CACNA1E: variants seen among roughly 807,000 people sequenced by gnomAD.
The protein encoded by CACNA1E is voltage-dependent R-type calcium channel subunit alpha-1E.
In CACNA1E, 40 loss-of-function variants were observed where a neutral mutation model predicts 259.2. The observed-to-expected ratio is 0.15, with a 90% confidence interval of 0.12 to 0.20. The LOEUF (loss-of-function observed/expected upper bound fraction) is 0.20, where lower values mean the gene tolerates loss of function less well. Ranked by LOEUF, CACNA1E falls within the 10% of genes least tolerant of loss-of-function variation. The probability of loss-of-function intolerance (pLI) is 1.00; values close to 1 mark genes in which losing one functional copy is unlikely to be tolerated. For synonymous variants in CACNA1E, 1,104 were observed against 1,138.5 expected (o/e 0.97, Z 0.61); for missense variants, 1,874 against 3,040.1 (o/e 0.62, Z 9.02).
At chr1:181,599,871 C>A (rs368610397) in intron 6 of CACNA1E, among the ~76,000 whole-genome samples, 1 of 151,976 alleles carries the variant, frequency 6.6e-6, no homozygotes. Flanking sequence ...TGTTGAGCAC[C>A]GATTATAGCT....
rs544987210 is a variant in CACNA1E, at chr1:181,763,385, T to C, written c.4690-21T>C. ...AATCACCATAATGTTCCTAATTATA[T>C]GTTTCCTTTTGGTCCACCAGCTGGT... On this transcript the variant is annotated intron_variant, in intron 33 of 47. Coordinates refer to ENST00000367573, the MANE Select transcript of CACNA1E (RefSeq NM_001205293.3). 35 of 1,555,576 alleles carry C rather than the reference T, an allele frequency of 2.2e-5. No homozygotes were observed. In the South Asian group the frequency reaches 4.0e-4, roughly 18 times the overall value.
chr1:181,660,702 G>A (rs1185635000), intron 7 of CACNA1E, among the ~76,000 whole-genome samples: 2 of 152,182 alleles, frequency 1.3e-5, no homozygotes, highest in Admixed American at 6.5e-5. Context: ...AATTATTCAT[G>A]CCCAGCTCAG....
At chr1:181,672,587 A>G (rs948684192) in intron 7 of CACNA1E, among the ~76,000 whole-genome samples, 3 of 152,240 alleles carry the variant, frequency 2.0e-5, no homozygotes, top group Non-Finnish European at 2.9e-5. Context: ...CCTCGAGGCC[A>G]AGGCCAAGTT....
At chr1:181,523,952 G>A (rs1337252944) in intron 3 of CACNA1E, among the ~76,000 whole-genome samples, 3 of 152,220 alleles carry the variant, frequency 2.0e-5, no homozygotes, top group South Asian at 2.1e-4. Context: ...TATATGGCCC[G>A]TGTTTGATTT....
intron 6 of CACNA1E, among the ~76,000 whole-genome samples, chr1:181,610,564 G>T (rs1051404628): frequency 4.6e-5 from 7 of 152,182 alleles, no homozygotes; most frequent in African/African-American, 1.7e-4. Context: ...TCCAAACATT[G>T]TTTCTTATGC....
intron 2 of CACNA1E, among the ~76,000 whole-genome samples, chr1:181,454,321 T>C (rs1661328162): frequency 6.6e-6 from 1 of 152,206 alleles, no homozygotes. Context: ...ACTCTTAACC[T>C]TCTCTGTACA....
chr1:181,626,679 T>C (rs1399764478), intron 6 of CACNA1E, among the ~76,000 whole-genome samples: 2 of 152,218 alleles, frequency 1.3e-5, no homozygotes, highest in Non-Finnish European at 2.9e-5. Flanking sequence ...GTATAGGTAG[T>C]GTAAGTATAG....
intron 8 of CACNA1E, among the ~76,000 whole-genome samples, chr1:181,714,848 C>T (rs151134788): frequency 2.0e-5 from 3 of 152,278 alleles, no homozygotes; most frequent in African/African-American, 4.8e-5. Context: ...GGGCATCTTC[C>T]TCTGACTCCT....
chr1:181,384,781 C>T (rs1379708986), intron 1 of CACNA1E, among the ~76,000 whole-genome samples: 1 of 152,092 alleles, frequency 6.6e-6, no homozygotes, highest in Non-Finnish European at 1.5e-5. Context: ...GGAGATATAC[C>T]TAATGCTAAA....
chr1:181,499,882 C>T (rs747186787), intron 1 of CACNA1E, among the ~76,000 whole-genome samples: 1 of 152,210 alleles, frequency 6.6e-6, no homozygotes, highest in African/African-American at 2.4e-5. Context: ...ACTTTGATTA[C>T]GTCTTGGCTG....
intron 6 of CACNA1E, among the ~76,000 whole-genome samples, chr1:181,610,003 T>A (rs909569243): frequency 2.0e-5 from 3 of 152,212 alleles, no homozygotes; most frequent in Non-Finnish European, 4.4e-5. Flanking sequence ...CCATGTCTTG[T>A]TATCCAGTTT....
chr1:181,342,983 C>T (rs1352114337), intron 1 of CACNA1E, among the ~76,000 whole-genome samples: 1 of 152,034 alleles, frequency 6.6e-6, no homozygotes, highest in Non-Finnish European at 1.5e-5. Context: ...AGGACTATCC[C>T]TTAGTGGGCT....
chr1:181,675,839 A>T (rs185328854), intron 7 of CACNA1E, among the ~76,000 whole-genome samples: 3 of 152,282 alleles, frequency 2.0e-5, no homozygotes, highest in African/African-American at 7.2e-5. Context: ...GCTCTGGACA[A>T]TGCGCAGCTA....
chr1:181,538,530 G>A (rs1668341786), intron 3 of CACNA1E, among the ~76,000 whole-genome samples: 1 of 152,198 alleles, frequency 6.6e-6, no homozygotes, highest in African/African-American at 2.4e-5. Flanking sequence ...AAATTGGAAT[G>A]CAAATCTGTG....
At chr1:181,422,811 T>C (rs1658854010) in intron 2 of CACNA1E, among the ~76,000 whole-genome samples, 1 of 152,142 alleles carries the variant, frequency 6.6e-6, no homozygotes, top group Admixed American at 6.5e-5. Flanking sequence ...CATTAGATTG[T>C]GAATCTAACA....
intron 8 of CACNA1E, among the ~76,000 whole-genome samples, chr1:181,712,481 G>T (rs1653469884): frequency 6.6e-6 from 1 of 152,096 alleles, no homozygotes; most frequent in Admixed American, 6.5e-5. Context: ...CACTTACTGT[G>T]ACTGCCAACA....
chr1:181,411,083 C>T (rs689450), intron 1 of CACNA1E, among the ~76,000 whole-genome samples: 19,323 of 152,118 alleles, frequency 0.13, 2,893 homozygotes, highest in African/African-American at 0.36. Context: ...GTCACTGAGA[C>T]GTGTGGTTGG....
chr1:181,323,445 A>G (rs1650525263), intron 1 of CACNA1E, among the ~76,000 whole-genome samples: 1 of 152,214 alleles, frequency 6.6e-6, no homozygotes, highest in Non-Finnish European at 1.5e-5. Flanking sequence ...CTTTCAGAGA[A>G]GGGGAACTGG....
intron 1 of CACNA1E, among the ~76,000 whole-genome samples, chr1:181,341,181 C>A (rs920985116): frequency 7.9e-5 from 12 of 151,994 alleles, no homozygotes; most frequent in Non-Finnish European, 1.8e-4. Flanking sequence ...TGCTCCTATT[C>A]CAGTCTTCCC....
Sources: gnomAD v4.1 joint callset for allele counts (sites outside exome capture counted in the v4.1 genomes callset) on GRCh38, gnomAD v4.1.1 for gene constraint, MANE v1.5 for transcripts, NCBI Gene and HGNC (gene_info 2026-07-23, HGNC 2026-07-21) for gene names.